The following PLD5 variants were observed in gnomAD, a reference collection of about 807,000 sequenced individuals.
The protein encoded by PLD5 is inactive phospholipase D5.
In PLD5, 36 loss-of-function variants were observed where a neutral mutation model predicts 61.1. The ratio of observed to expected loss-of-function variants is 0.59; its 90% CI spans 0.45 to 0.78. The LOEUF (loss-of-function observed/expected upper bound fraction) is 0.78. Ranked by LOEUF, PLD5 falls within the 30% of genes least tolerant of loss-of-function variation. The pLI, the probability that PLD5 is intolerant of heterozygous loss-of-function variation, is 0.00. For missense variants in PLD5, 515 were observed against 644.4 expected (o/e 0.80, Z 2.17); for synonymous variants, 243 against 242.8 (o/e 1.00, Z -0.01).
At chr1:242,383,262 A>G (rs953681343) in intron 1 of PLD5, among the ~76,000 whole-genome samples, 6 of 152,158 alleles carry the variant, frequency 3.9e-5, no homozygotes, top group African/African-American at 1.4e-4. Flanking sequence ...TTTTATGGGA[A>G]ACAGTGTGAT....
At chr1:242,377,215 A>G in intron 1 of PLD5, 2 of 1,611,616 alleles carry the variant, frequency 1.2e-6, no homozygotes, top group Non-Finnish European at 1.7e-6. Flanking sequence ...CACTCCCGGC[A>G]CTGGTAGGAA....
chr1:242,485,728 T>C (rs1310132325), intron 1 of PLD5, among the ~76,000 whole-genome samples: 3 of 152,192 alleles, frequency 2.0e-5, no homozygotes, highest in Non-Finnish European at 4.4e-5. Flanking sequence ...AAAGTTCATA[T>C]GGAACCAAAA....
chr1:242,492,414 C>G (rs1420130342), intron 1 of PLD5, among the ~76,000 whole-genome samples: 1 of 151,048 alleles, frequency 6.6e-6, no homozygotes, highest in East Asian at 1.9e-4. Context: ...CCCAGCTACT[C>G]AGGAGATTGA....
chr1:242,333,924 T>C (rs915669328), intron 2 of PLD5, among the ~76,000 whole-genome samples: 2 of 152,234 alleles, frequency 1.3e-5, no homozygotes, highest in Non-Finnish European at 2.9e-5. Context: ...GTTGATTGCA[T>C]ATCTTCGCTA....
At chr1:242,169,874 C>G (rs1449873727) in intron 5 of PLD5, among the ~76,000 whole-genome samples, 1 of 152,178 alleles carries the variant, frequency 6.6e-6, no homozygotes, top group African/African-American at 2.4e-5. Flanking sequence ...GGCCAGACTG[C>G]CTTTCTAGAT....
intron 7 of PLD5, among the ~76,000 whole-genome samples, chr1:242,111,983 G>A (rs966753511): frequency 6.6e-6 from 1 of 151,958 alleles, no homozygotes; most frequent in African/African-American, 2.4e-5. Context: ...TTTACCTCTT[G>A]ACCAGGAAGA....
At chr1:242,133,551 A>C (rs534929113) in intron 5 of PLD5, among the ~76,000 whole-genome samples, 67 of 152,318 alleles carry the variant, frequency 4.4e-4, no homozygotes, top group African/African-American at 1.5e-3. Context: ...AGATGACAAA[A>C]GGGGAAGTGA....
chr1:242,348,762 A>G (rs1558485953), intron 1 of PLD5, among the ~76,000 whole-genome samples: 1 of 152,204 alleles, frequency 6.6e-6, no homozygotes, highest in Non-Finnish European at 1.5e-5. Context: ...GACATAAAAC[A>G]TCAATCAATA....
At chr1:242,164,610 C>T (rs949118877) in intron 5 of PLD5, among the ~76,000 whole-genome samples, 2 of 152,120 alleles carry the variant, frequency 1.3e-5, no homozygotes, top group African/African-American at 4.8e-5. Context: ...AGCAAGCATC[C>T]AGTGAGTGAA....
intron 2 of PLD5, among the ~76,000 whole-genome samples, chr1:242,335,649 C>T (rs1035113185): frequency 2.0e-5 from 3 of 152,108 alleles, no homozygotes; most frequent in African/African-American, 7.2e-5. Context: ...TAAAAGAGTG[C>T]TCAGAATAAA....
At chr1:242,306,062 G>A (rs1220473517) in intron 2 of PLD5, among the ~76,000 whole-genome samples, 1 of 151,976 alleles carries the variant, frequency 6.6e-6, no homozygotes, top group Non-Finnish European at 1.5e-5. Context: ...CTGGACTCTA[G>A]GCCCTGGGGC....
chr1:242,250,805 G>C (rs1672657720), intron 4 of PLD5, among the ~76,000 whole-genome samples: 1 of 152,128 alleles, frequency 6.6e-6, no homozygotes, highest in Non-Finnish European at 1.5e-5. Context: ...ATTGGAGTCA[G>C]GAAAAACTGT....
intron 1 of PLD5, among the ~76,000 whole-genome samples, chr1:242,421,037 G>A (rs1847379): frequency 0.23 from 34,543 of 151,370 alleles, 4,487 homozygotes; most frequent in Admixed American, 0.3. Context: ...AAAATTAGCC[G>A]GGCGTGGTGG....
At chr1:242,347,584 A>G (rs1367073116) in intron 2 of PLD5, among the ~76,000 whole-genome samples, 1 of 152,044 alleles carries the variant, frequency 6.6e-6, no homozygotes, top group East Asian at 1.9e-4. Flanking sequence ...CATAATGCAT[A>G]CATAAACCTG....
At chr1:242,403,198 C>T (rs938942178) in intron 1 of PLD5, among the ~76,000 whole-genome samples, 2 of 152,158 alleles carry the variant, frequency 1.3e-5, no homozygotes, top group African/African-American at 4.8e-5. Context: ...TGCAGAAGGT[C>T]CTCTGCAGCA....
At chr1:242,199,712 C>T (rs1208632210) in intron 5 of PLD5, among the ~76,000 whole-genome samples, 7 of 152,150 alleles carry the variant, frequency 4.6e-5, no homozygotes, top group Non-Finnish European at 8.8e-5. Flanking sequence ...TTCCACACTC[C>T]GCCTCCATGT....
intron 1 of PLD5, among the ~76,000 whole-genome samples, chr1:242,482,327 G>T (rs1182891451): frequency 6.6e-6 from 1 of 152,120 alleles, no homozygotes; most frequent in Non-Finnish European, 1.5e-5. Context: ...TTAGATGAAT[G>T]GCTAACTACA....
chr1:242,206,449 C>A (rs1448812126), intron 5 of PLD5, among the ~76,000 whole-genome samples: 1 of 152,142 alleles, frequency 6.6e-6, no homozygotes, highest in Non-Finnish European at 1.5e-5. Flanking sequence ...TACAGTGGAT[C>A]CTTGAACGAT....
At chr1:242,375,868 G>A (rs900642198) in intron 1 of PLD5, among the ~76,000 whole-genome samples, 3 of 152,100 alleles carry the variant, frequency 2.0e-5, no homozygotes, top group Non-Finnish European at 4.4e-5. Flanking sequence ...TTGATAAGTC[G>A]GTGGTTGAAG....
Sources: allele counts gnomAD v4.1 joint callset (sites outside exome capture counted in the v4.1 genomes callset), GRCh38; gene constraint gnomAD v4.1.1; transcripts MANE v1.5; gene names NCBI Gene and HGNC (gene_info 2026-07-23, HGNC 2026-07-21).